ASCC3: variants seen among roughly 807,000 people sequenced by gnomAD.
ASCC3 encodes activating signal cointegrator 1 complex subunit 3, also known as ASC-1 complex subunit P200.
In ASCC3, 158 loss-of-function variants were observed where a neutral mutation model predicts 256.3. The observed-to-expected ratio is 0.62, with a 90% confidence interval of 0.54 to 0.70. ASCC3 has a LOEUF of 0.70. Ranked by LOEUF, ASCC3 falls within the 30% of genes least tolerant of loss-of-function variation. ASCC3 has a pLI of 0.00. For synonymous variants in ASCC3, 948 were observed against 883.4 expected (o/e 1.07, Z -1.30); for missense variants, 2,259 against 2,626.0 (o/e 0.86, Z 3.05).
chr6:100,627,893 A>T lies in ASCC3; in HGVS notation c.4470T>A (p.Ser1490=), dbSNP rs535187865. The change falls in exon 28 of 42, where the codon TCT becomes TCA. Residue 1490 remains serine, a synonymous_variant. Transcript: ENST00000369162. ...GGTCTCTGGCATTAGCTAATGCAGTAGATAGTCCAACTATTCTAACAGGCT... is the reference window on the plus strand; with the variant it reads ...GGTCTCTGGCATTAGCTAATGCAGTTGATAGTCCAACTATTCTAACAGGCT... The part of the protein sequence containing the change: ...TEKPVRIVGL[S]TALANARDLA... The T allele has an allele frequency of 6.2e-7, 1 of 1,613,766 alleles. No homozygotes were observed. The highest frequency in any genetic ancestry group is 1.7e-5 in the Admixed American group (1 of 59,916).
chr6:100,591,334 C>T (rs182478223), intron 34 of ASCC3, among the ~76,000 whole-genome samples: 1 of 151,844 alleles, frequency 6.6e-6, no homozygotes, highest in Non-Finnish European at 1.5e-5. Context: ...GACATTCAAG[C>T]CATATAAAAG....
intron 30 of ASCC3, among the ~76,000 whole-genome samples, chr6:100,620,680 C>T (rs943809332): frequency 2.6e-5 from 4 of 152,114 alleles, no homozygotes; most frequent in Admixed American, 6.6e-5. Flanking sequence ...GGGATAACTG[C>T]TGCTGTGCTT....
At chr6:100,597,831 G>A (rs1333658328) in intron 34 of ASCC3, among the ~76,000 whole-genome samples, 2 of 96,214 alleles carry the variant, frequency 2.1e-5, no homozygotes, top group South Asian at 5.3e-4. Flanking sequence ...AAAATTAGCC[G>A]AGCATGGTGG....
intron 4 of ASCC3, among the ~76,000 whole-genome samples, chr6:100,833,621 G>A (rs988616423): frequency 3.3e-5 from 5 of 152,010 alleles, no homozygotes; most frequent in African/African-American, 1.2e-4. Flanking sequence ...CCAAAAATTA[G>A]TTTATTAATT....
At chr6:100,867,111 C>T (rs572727600) in intron 2 of ASCC3, among the ~76,000 whole-genome samples, 1 of 152,190 alleles carries the variant, frequency 6.6e-6, no homozygotes, top group East Asian at 1.9e-4. Flanking sequence ...AGTCATTGAA[C>T]CTATACAGGA....
intron 8 of ASCC3, among the ~76,000 whole-genome samples, chr6:100,779,529 C>A (rs1045714347): frequency 2.0e-5 from 3 of 152,126 alleles, no homozygotes; most frequent in African/African-American, 7.2e-5. Flanking sequence ...GAGGATAAAC[C>A]TAATTTATAG....
Position 100,642,613 on chromosome 6 carries a change from AGAT to A in ASCC3, c.3866_3868del (p.His1289del), listed in dbSNP as rs1370959774. On this transcript the variant is annotated inframe_deletion, in exon 24 of 42. Transcript: ENST00000369162. Reference sequence around the variant, plus strand: ...AGGAGGATGTCTCTCTGGTAGAATTAGATGTTGAAAGTTGATAATACATACTGC... The same window carrying A: ...AGGAGGATGTCTCTCTGGTAGAATTAGTTGAAAGTTGATAATACATACTGC... 9.3e-6 allele frequency: 15 copies of A among 1,613,960 alleles called. No individual in the cohort carries two copies. In the Admixed American group the frequency reaches 2.3e-4, roughly 25 times the overall value.
rs41288409 is a variant in ASCC3 at position 100,652,869 on chromosome 6, C to T, written c.2844G>A (p.Lys948=). 0.021 allele frequency: 34,659 copies of T among 1,613,750 alleles called. 460 individuals carry two copies. Among genetic ancestry groups the T allele is most frequent in the African/African-American group, 0.055 (4,113 of 74,984 alleles). The part of the protein sequence containing the change: ...KAYQIDPTLR[K]HREQLVIEVG... ...CTTCAATGACCAACTGTTCTCGATG[C>T]TTTCTTAATGTTGGGTCAATCTATG... Residue 948 remains lysine, a synonymous_variant, in exon 18 of 42, where the codon AAG becomes AAA. Coordinates refer to ENST00000369162, the MANE Select transcript of ASCC3 (RefSeq NM_006828.4).
intron 4 of ASCC3, among the ~76,000 whole-genome samples, chr6:100,817,159 A>G (rs946220890): frequency 6.6e-6 from 1 of 152,040 alleles, no homozygotes; most frequent in African/African-American, 2.4e-5. Flanking sequence ...TCCAACTACA[A>G]TGGAATGAAA....
Position 100,584,745 on chromosome 6 carries a change from T to C in ASCC3, c.5550+4889A>G, listed in dbSNP as rs909681265. 7.2e-5 allele frequency among the ~76,000 whole-genome samples: 11 copies of C among 152,334 alleles called. No individual in the cohort carries two copies. In the South Asian group the frequency reaches 8.3e-4, roughly 11 times the overall value. ...ACCGGTTTTTCCTTTCCATATTTAG[T>C]GCTTCCTTCAGGAGCTCTTGTAGGG... On this transcript the variant is annotated intron_variant, in intron 36 of 41. Transcript: ENST00000369162.
At chr6:100,559,058 G>C (rs1022855336) in intron 36 of ASCC3, among the ~76,000 whole-genome samples, 7 of 152,096 alleles carry the variant, frequency 4.6e-5, no homozygotes, top group Non-Finnish European at 1.0e-4. Context: ...ATATCATTAT[G>C]TAAGGTGTGA....
In ASCC3 at chr6:100,865,902, AC is replaced by A. The variant is rs1171640138; in HGVS notation, c.91-1689del. On this transcript the variant is annotated intron_variant, in intron 2 of 41. Coordinates refer to ENST00000369162, the MANE Select transcript of ASCC3 (RefSeq NM_006828.4). ...CCTTTCCCTGTGACATTTATATGAA[AC>A]CTGTTATTATATTTTGTGCAAGTTT... Among the ~76,000 whole-genome samples, 12 of 152,220 alleles carry A rather than the reference AC, an allele frequency of 7.9e-5. No homozygotes were observed. The East Asian group carries it at 2.1e-3, about 27-fold the overall frequency.
chr6:100,541,123 C>G (rs189620294), intron 36 of ASCC3, among the ~76,000 whole-genome samples: 1 of 151,914 alleles, frequency 6.6e-6, no homozygotes, highest in African/African-American at 2.4e-5. Context: ...TATTTATTAG[C>G]GTTTGTTGTG....
intron 16 of ASCC3, among the ~76,000 whole-genome samples, chr6:100,657,541 T>G (rs1216107036): frequency 6.6e-6 from 1 of 151,560 alleles, no homozygotes; most frequent in Admixed American, 6.6e-5. Flanking sequence ...CATGACTTTA[T>G]GATGTTACTT....
intron 4 of ASCC3, among the ~76,000 whole-genome samples, chr6:100,816,673 G>T (rs1397870361): frequency 6.6e-6 from 1 of 152,104 alleles, no homozygotes. Context: ...AATATTGCAT[G>T]TTCTCACTTA....
chr6:100,786,501 T>A (rs367549065), intron 8 of ASCC3, among the ~76,000 whole-genome samples: 9 of 152,314 alleles, frequency 5.9e-5, no homozygotes, highest in African/African-American at 2.2e-4. Flanking sequence ...TGTAATATTT[T>A]ATGGACTTGA....
chr6:100,523,884 G>A (rs1049923219), intron 37 of ASCC3, among the ~76,000 whole-genome samples: 1 of 152,088 alleles, frequency 6.6e-6, no homozygotes. Context: ...ATTGTAAAAA[G>A]CTCTGAACAG....
intron 8 of ASCC3, among the ~76,000 whole-genome samples, chr6:100,788,860 T>C (rs895070742): frequency 1.3e-5 from 2 of 151,822 alleles, no homozygotes; most frequent in African/African-American, 4.8e-5. Context: ...CTGGGAGTGG[T>C]GGGAAAGAGG....
At chr6:100,746,239 T>C (rs886359173) in intron 10 of ASCC3, among the ~76,000 whole-genome samples, 8 of 150,914 alleles carry the variant, frequency 5.3e-5, no homozygotes, top group African/African-American at 1.9e-4. Flanking sequence ...ATCCCGGTGA[T>C]CTACTCCATA....
Sources: allele counts gnomAD v4.1 joint callset (sites outside exome capture counted in the v4.1 genomes callset), GRCh38; gene constraint gnomAD v4.1.1; transcripts MANE v1.5; gene names NCBI Gene and HGNC (gene_info 2026-07-23, HGNC 2026-07-21).